BRINP3: variants seen among roughly 807,000 people sequenced by gnomAD.
The protein encoded by BRINP3 is BMP/retinoic acid-inducible neural-specific protein 3.
Under a neutral mutation model 71.0 loss-of-function variants are expected in BRINP3, and 19 were observed. The ratio of observed to expected loss-of-function variants is 0.27; its 90% CI spans 0.19 to 0.39. The LOEUF is 0.39. Ranked by LOEUF, BRINP3 falls within the 10% of genes least tolerant of loss-of-function variation. The pLI is 1.00. For missense variants in BRINP3, 959 were observed against 940.8 expected (o/e 1.02, Z -0.25); for synonymous variants, 380 against 337.7 (o/e 1.13, Z -1.37).
chr1:190,365,573 G>T (rs778475565), intron 2 of BRINP3, among the ~76,000 whole-genome samples: 1 of 144,968 alleles, frequency 6.9e-6, no homozygotes, highest in African/African-American at 2.5e-5. Flanking sequence ...TTTTAGTTTT[G>T]TTATGATATT....
chr1:190,324,026 A>G (rs1666423478), intron 2 of BRINP3, among the ~76,000 whole-genome samples: 1 of 151,966 alleles, frequency 6.6e-6, no homozygotes, highest in African/African-American at 2.4e-5. Context: ...CTTTTTGTCC[A>G]TTTACAGGGT....
At chr1:190,391,596 T>C (rs1265890827) in intron 2 of BRINP3, among the ~76,000 whole-genome samples, 1 of 151,748 alleles carries the variant, frequency 6.6e-6, no homozygotes, top group Non-Finnish European at 1.5e-5. Flanking sequence ...CTCGTAAAAA[T>C]CAAACTGACA....
At chr1:190,424,728 T>G (rs568184705) in intron 2 of BRINP3, among the ~76,000 whole-genome samples, 1 of 151,780 alleles carries the variant, frequency 6.6e-6, no homozygotes, top group Admixed American at 6.6e-5. Context: ...TTAGATCATA[T>G]AAAAACAATT....
intron 2 of BRINP3, among the ~76,000 whole-genome samples, chr1:190,290,336 C>T (rs1354367959): frequency 6.6e-6 from 1 of 152,040 alleles, no homozygotes; most frequent in Non-Finnish European, 1.5e-5. Context: ...AAGCATCTTA[C>T]GGTTAATACA....
At chr1:190,192,504 C>A (rs966911912) in intron 6 of BRINP3, among the ~76,000 whole-genome samples, 2 of 150,770 alleles carry the variant, frequency 1.3e-5, no homozygotes, top group Non-Finnish European at 2.9e-5. Flanking sequence ...GCCAACATGT[C>A]CTGTTTGATA....
intron 2 of BRINP3, among the ~76,000 whole-genome samples, chr1:190,354,459 A>AG (rs1668599808): frequency 6.6e-6 from 1 of 151,936 alleles, no homozygotes; most frequent in Non-Finnish European, 1.5e-5. Flanking sequence ...AGCAACTAGC[A>AG]GAGGGCTCGT....
intron 2 of BRINP3, among the ~76,000 whole-genome samples, chr1:190,414,998 TTAAC>T (rs1297140688): frequency 1.3e-5 from 2 of 152,226 alleles, no homozygotes; most frequent in African/African-American, 2.4e-5. Flanking sequence ...AATAGATTAA[TTAAC>T]TATTTTAAGT....
intron 4 of BRINP3, among the ~76,000 whole-genome samples, chr1:190,244,447 T>A (rs1659396140): frequency 6.6e-6 from 1 of 152,110 alleles, no homozygotes; most frequent in South Asian, 2.1e-4. Context: ...CTCCAAATGA[T>A]ACAAAAACTT....
At chr1:190,144,269 G>T (rs1655699993) in intron 7 of BRINP3, among the ~76,000 whole-genome samples, 1 of 151,894 alleles carries the variant, frequency 6.6e-6, no homozygotes, top group Non-Finnish European at 1.5e-5. Flanking sequence ...ATAATACAAT[G>T]GCATCCATAG....
intron 6 of BRINP3, among the ~76,000 whole-genome samples, chr1:190,222,395 C>A (rs1461895268): frequency 2.0e-5 from 3 of 151,242 alleles, no homozygotes; most frequent in Non-Finnish European, 4.4e-5. Flanking sequence ...ACTTGAGATA[C>A]AATAACATCT....
At chr1:190,465,174 G>A (rs12121826) in intron 1 of BRINP3, among the ~76,000 whole-genome samples, 2 of 151,890 alleles carry the variant, frequency 1.3e-5, no homozygotes, top group African/African-American at 4.8e-5. Context: ...TTTCAACGTA[G>A]ATGATCATAT....
chr1:190,388,691 GT>G (rs1671063626), intron 2 of BRINP3, among the ~76,000 whole-genome samples: 1 of 151,692 alleles, frequency 6.6e-6, no homozygotes, highest in South Asian at 2.1e-4. Context: ...AATTTATGTT[GT>G]TTTATGCCAC....
intron 2 of BRINP3, among the ~76,000 whole-genome samples, chr1:190,425,189 G>A (rs1673624077): frequency 6.6e-6 from 1 of 151,466 alleles, no homozygotes; most frequent in Non-Finnish European, 1.5e-5. Flanking sequence ...AACAGAAGAA[G>A]GATATGAAAC....
chr1:190,473,781 T>A (rs1036417419), intron 1 of BRINP3, among the ~76,000 whole-genome samples: 1 of 151,792 alleles, frequency 6.6e-6, no homozygotes, highest in African/African-American at 2.4e-5. Flanking sequence ...CTATTTTTTT[T>A]TTTTTTTCAG....
At chr1:190,157,801 G>C (rs1656996773) in intron 7 of BRINP3, among the ~76,000 whole-genome samples, 1 of 152,010 alleles carries the variant, frequency 6.6e-6, no homozygotes, top group African/African-American at 2.4e-5. Flanking sequence ...GCAGTGCTTA[G>C]AGGAAGCTTT....
chr1:190,473,964 C>G, intron 1 of BRINP3, among the ~76,000 whole-genome samples: 1 of 151,450 alleles, frequency 6.6e-6, no homozygotes, highest in Non-Finnish European at 1.5e-5. Context: ...AAACAGTTCT[C>G]TCGAGTAGTC....
chr1:190,347,731 T>A (rs532600595), intron 2 of BRINP3, among the ~76,000 whole-genome samples: 51 of 152,246 alleles, frequency 3.3e-4, no homozygotes, highest in African/African-American at 1.2e-3. Context: ...CCAGTAAACA[T>A]AAGGATCATT....
At chr1:190,376,189 A>G (rs576776946) in intron 2 of BRINP3, among the ~76,000 whole-genome samples, 2 of 152,034 alleles carry the variant, frequency 1.3e-5, no homozygotes, top group East Asian at 3.9e-4. Context: ...CAGCTGTCTG[A>G]GAAACAAGAC....
intron 2 of BRINP3, among the ~76,000 whole-genome samples, chr1:190,305,640 A>C (rs1288645704): frequency 1.3e-5 from 2 of 151,722 alleles, no homozygotes; most frequent in Non-Finnish European, 2.9e-5. Flanking sequence ...CCCCAGCTTC[A>C]TAGGAGCAAT....
Sources: gnomAD v4.1 joint callset for allele counts (sites outside exome capture counted in the v4.1 genomes callset) on GRCh38, gnomAD v4.1.1 for gene constraint, MANE v1.5 for transcripts, NCBI Gene and HGNC (gene_info 2026-07-23, HGNC 2026-07-21) for gene names.